NLK: variants seen among roughly 807,000 people sequenced by gnomAD.
NLK encodes nemo like kinase, also known as serine/threonine-protein kinase NLK.
In NLK, 11 loss-of-function variants were observed where a neutral mutation model predicts 59.0. The observed-to-expected ratio is 0.19, with a 90% CI of 0.12 to 0.31. The LOEUF (loss-of-function observed/expected upper bound fraction) is 0.31. NLK is among the 10% of genes least tolerant of loss of function. The pLI, the probability that NLK is intolerant of heterozygous loss-of-function variation, is 1.00. For missense variants in NLK, 410 were observed against 661.1 expected (o/e 0.62, Z 4.16); for synonymous variants, 235 against 235.9 (o/e 1.00, Z 0.03).
At chr17:28,166,276 G>A (rs1219262283) in intron 5 of NLK, among the ~76,000 whole-genome samples, 1 of 152,166 alleles carries the variant, frequency 6.6e-6, no homozygotes, top group Non-Finnish European at 1.5e-5. Context: ...TTGTTGTTAT[G>A]TTATATGGTT....
chr17:28,055,095 C>CTTTTTTTTTTTTTTTTTT (rs1041966713), intron 1 of NLK, among the ~76,000 whole-genome samples: 1 of 132,136 alleles, frequency 7.6e-6, no homozygotes, highest in African/African-American at 2.8e-5. Flanking sequence ...ATTTTTTTTT[C>CTTTTTTTTTTTTTTTTTT]TTTTTTTTTT....
chr17:28,173,096 A>G (rs1206374847), intron 7 of NLK, among the ~76,000 whole-genome samples: 1 of 152,216 alleles, frequency 6.6e-6, no homozygotes, highest in Admixed American at 6.5e-5. Context: ...AGATTGCCAG[A>G]TTTGCACTCA....
chr17:28,181,663 G>C (rs1332275707), intron 7 of NLK, among the ~76,000 whole-genome samples: 1 of 151,912 alleles, frequency 6.6e-6, no homozygotes, highest in Non-Finnish European at 1.5e-5. Flanking sequence ...CAAATATACT[G>C]TATGGGTTCT....
At chr17:28,082,096 G>T (rs928706362) in intron 1 of NLK, among the ~76,000 whole-genome samples, 2 of 152,152 alleles carry the variant, frequency 1.3e-5, no homozygotes, top group African/African-American at 2.4e-5. Context: ...GTTTTGCTAT[G>T]TTGGCCATGC....
At chr17:28,173,467 A>G (rs1462229810) in intron 7 of NLK, among the ~76,000 whole-genome samples, 1 of 152,092 alleles carries the variant, frequency 6.6e-6, no homozygotes, top group Non-Finnish European at 1.5e-5. Context: ...GGAAGACCTC[A>G]CCTTCCCTTT....
At chr17:28,137,050 G>A (rs563333353) in intron 3 of NLK, among the ~76,000 whole-genome samples, 9 of 151,310 alleles carry the variant, frequency 5.9e-5, no homozygotes, top group African/African-American at 2.2e-4. Flanking sequence ...AGATTAATAG[G>A]ACCTCAAGTT....
intron 7 of NLK, among the ~76,000 whole-genome samples, chr17:28,173,461 G>T (rs35485183): frequency 5.2e-4 from 79 of 152,168 alleles, no homozygotes; most frequent in Non-Finnish European, 1.0e-3. Context: ...GCAAAGGGAA[G>T]ACCTCACCTT....
intron 3 of NLK, among the ~76,000 whole-genome samples, chr17:28,138,675 A>G (rs1013996419): frequency 2.6e-5 from 4 of 152,218 alleles, no homozygotes; most frequent in Admixed American, 1.3e-4. Context: ...TGGTACTACT[A>G]AGGACCAGAA....
chr17:28,104,255 A>T (rs1398110576), intron 1 of NLK, among the ~76,000 whole-genome samples: 1 of 151,806 alleles, frequency 6.6e-6, no homozygotes, highest in Non-Finnish European at 1.5e-5. Flanking sequence ...ACTGGACTTT[A>T]GTTTTGTTTT....
intron 1 of NLK, among the ~76,000 whole-genome samples, chr17:28,079,073 C>G (rs1199222834): frequency 6.6e-6 from 1 of 152,154 alleles, no homozygotes; most frequent in African/African-American, 2.4e-5. Flanking sequence ...AGTCTACTCT[C>G]TATTTATATT....
intron 1 of NLK, among the ~76,000 whole-genome samples, chr17:28,086,253 A>G (rs1184881045): frequency 6.6e-6 from 1 of 152,230 alleles, no homozygotes; most frequent in Non-Finnish European, 1.5e-5. Context: ...CTCAGAGGCA[A>G]AGAAAAACAG....
At chr17:28,175,167 C>T (rs1046146434) in intron 7 of NLK, among the ~76,000 whole-genome samples, 1 of 151,706 alleles carries the variant, frequency 6.6e-6, no homozygotes, top group African/African-American at 2.4e-5. Flanking sequence ...TAGTGTCAGC[C>T]GGGCGCGGCG....
At chr17:28,066,297 A>G (rs915393232) in intron 1 of NLK, among the ~76,000 whole-genome samples, 3 of 152,152 alleles carry the variant, frequency 2.0e-5, no homozygotes, top group African/African-American at 7.2e-5. Flanking sequence ...CTGCCTCTTC[A>G]TCTTTCATTT....
intron 1 of NLK, among the ~76,000 whole-genome samples, chr17:28,052,178 GTTT>G (rs1909281089): frequency 6.6e-6 from 1 of 152,026 alleles, no homozygotes; most frequent in Non-Finnish European, 1.5e-5. Context: ...CCTTTTTAGT[GTTT>G]TAGACTTTAA....
chr17:28,182,869 T>C (rs1908966323), intron 7 of NLK, among the ~76,000 whole-genome samples: 1 of 152,234 alleles, frequency 6.6e-6, no homozygotes, highest in African/African-American at 2.4e-5. Flanking sequence ...AAATTGTTTT[T>C]CAAATGAGAG....
At chr17:28,181,882 C>T (rs1908920657) in intron 7 of NLK, among the ~76,000 whole-genome samples, 2 of 152,022 alleles carry the variant, frequency 1.3e-5, no homozygotes, top group African/African-American at 4.8e-5. Flanking sequence ...TGGTGGCGCA[C>T]GTCTGTAGTC....
At chr17:28,062,538 G>A (rs1323954698) in intron 1 of NLK, among the ~76,000 whole-genome samples, 1 of 152,156 alleles carries the variant, frequency 6.6e-6, no homozygotes, top group Non-Finnish European at 1.5e-5. Flanking sequence ...TAATATTAAA[G>A]CCATGTGTAT....
At chr17:28,084,962 T>C (rs1029029555) in intron 1 of NLK, among the ~76,000 whole-genome samples, 2 of 152,256 alleles carry the variant, frequency 1.3e-5, no homozygotes, top group African/African-American at 4.8e-5. Context: ...ATATGACTAA[T>C]CTAATTTTAG....
At chr17:28,061,496 C>T (rs1909634136) in intron 1 of NLK, among the ~76,000 whole-genome samples, 1 of 152,040 alleles carries the variant, frequency 6.6e-6, no homozygotes, top group Non-Finnish European at 1.5e-5. Flanking sequence ...GAGGCCTCAG[C>T]TGTAAGACAC....
Sources: allele counts gnomAD v4.1 joint callset (sites outside exome capture counted in the v4.1 genomes callset), GRCh38; gene constraint gnomAD v4.1.1; transcripts MANE v1.5; gene names NCBI Gene and HGNC (gene_info 2026-07-23, HGNC 2026-07-21).